The following FDFT1 variants were observed in gnomAD, a reference collection of about 807,000 sequenced individuals.
FDFT1 encodes farnesyl-diphosphate farnesyltransferase 1, also known as squalene synthase.
FDFT1 carries 68 observed loss-of-function variants against 46.8 expected under a neutral mutation model. That is an observed-to-expected ratio of 1.45 (90% CI 1.19 to 1.78). The LOEUF is 1.78. Ranked by LOEUF, FDFT1 falls within the 40% of genes most tolerant of loss-of-function variation. The pLI is 0.00. For missense variants in FDFT1, 928 were observed against 524.4 expected, an observed-to-expected ratio of 1.77 and a Z score of -7.52; for synonymous variants, 351 against 185.1, an observed-to-expected ratio of 1.90 and a Z score of -7.28.
In FDFT1 at chr8:11,812,365, T is replaced by A. The variant is rs548509899; in HGVS notation, c.381+2515T>A. ...TTGGGCCTGAGTGATGGCCAAGGGCTGTGTTGGGGAGTGTTGTGGATGGAT... is the reference window on the plus strand; with the variant it reads ...TTGGGCCTGAGTGATGGCCAAGGGCAGTGTTGGGGAGTGTTGTGGATGGAT... On this transcript the variant is annotated intron_variant, in intron 3 of 7. Coordinates refer to ENST00000220584, the MANE Select transcript of FDFT1 (RefSeq NM_004462.5). Among the ~76,000 whole-genome samples, 4 of 152,286 alleles carry A rather than the reference T, an allele frequency of 2.6e-5. No homozygotes were observed. In the South Asian group the frequency reaches 8.3e-4, roughly 32 times the overall value.
At chr8:11,807,447 G>A (rs1054911425) in intron 1 of FDFT1, among the ~76,000 whole-genome samples, 4 of 152,158 alleles carry the variant, frequency 2.6e-5, no homozygotes, top group African/African-American at 9.7e-5. Flanking sequence ...ATAGGCGTGC[G>A]CCACTGCACC....
chr8:11,823,234 C>T (rs886865020), intron 4 of FDFT1, among the ~76,000 whole-genome samples: 5 of 152,138 alleles, frequency 3.3e-5, no homozygotes, highest in African/African-American at 4.8e-5. Context: ...GGATTACAGG[C>T]ATGACCAGCC....
Position 11,831,485 on chromosome 8 carries a change from C to T in FDFT1, c.880-33C>T, listed in dbSNP as rs560329946. ...ATAATGATAGCTAACGACATCATTT[C>T]TTCTTTTTTCCCTCTCTTCTTGTTG... On this transcript the variant is annotated intron_variant, in intron 6 of 7. Transcript: ENST00000220584. 3.1e-5 allele frequency: 49 copies of T among 1,598,652 alleles called. No individual in the cohort carries two copies. In the Middle Eastern group the frequency reaches 5.0e-4, roughly 16 times the overall value.
At chr8:11,808,363 G>T in intron 1 of FDFT1, 2 of 1,234,788 alleles carry the variant, frequency 1.6e-6, no homozygotes, top group Non-Finnish European at 1.0e-6. Context: ...GGAGCGGGAG[G>T]CCGGGGGCGG....
intron 5 of FDFT1, among the ~76,000 whole-genome samples, chr8:11,829,120 G>C (rs1160003899): frequency 6.6e-6 from 1 of 150,740 alleles, no homozygotes; most frequent in Non-Finnish European, 1.5e-5. Context: ...CCCGTCAGCA[G>C]TGTGAGAGTC....
intron 7 of FDFT1, 39 bp from the exon 8 acceptor site, chr8:11,838,349 G>A: frequency 6.7e-7 from 1 of 1,499,832 alleles, no homozygotes; most frequent in Non-Finnish European, 9.3e-7. Context: ...AAAATGTAAA[G>A]CACATAGCAC....
chr8:11,818,839 T>A (rs1329910349), intron 3 of FDFT1, among the ~76,000 whole-genome samples: 1 of 152,246 alleles, frequency 6.6e-6, no homozygotes, highest in East Asian at 1.9e-4. Flanking sequence ...AACTGGGGCA[T>A]TTAGCCCACT....
At chr8:11,821,173 T>C (rs1354125961) in intron 3 of FDFT1, among the ~76,000 whole-genome samples, 1 of 152,266 alleles carries the variant, frequency 6.6e-6, no homozygotes, top group Non-Finnish European at 1.5e-5. Flanking sequence ...CAGCTTTATG[T>C]TGAAGCATCT....
chr8:11,813,041 A>C (rs1258265613), intron 3 of FDFT1, among the ~76,000 whole-genome samples: 1 of 101,046 alleles, frequency 9.9e-6, no homozygotes, highest in African/African-American at 5.4e-5. Flanking sequence ...CCATTGCTCC[A>C]AGGCTGCACA....
chr8:11,800,019 T>C (rs908647947), upstream of FDFT1, among the ~76,000 whole-genome samples: 1 of 133,146 alleles, frequency 7.5e-6, no homozygotes, highest in East Asian at 2.0e-4. Flanking sequence ...CCTAGCACTT[T>C]GGGAGGCCGA....
At chr8:11,832,902 C>T (rs1384243155) in intron 7 of FDFT1, among the ~76,000 whole-genome samples, 1 of 152,184 alleles carries the variant, frequency 6.6e-6, no homozygotes, top group African/African-American at 2.4e-5. Flanking sequence ...GTGCATCCGT[C>T]TAGTCCCCCT....
At chr8:11,836,075 C>T (rs1213758310) in intron 7 of FDFT1, among the ~76,000 whole-genome samples, 8 of 150,340 alleles carry the variant, frequency 5.3e-5, no homozygotes, top group Admixed American at 2.0e-4. Flanking sequence ...ATCGCATGAA[C>T]CTGGGAAGTG....
At chr8:11,832,551 CA>C (rs531759815) in intron 7 of FDFT1, among the ~76,000 whole-genome samples, 416 of 36,354 alleles carry the variant, frequency 0.011, 3 homozygotes, top group African/African-American at 0.031. Flanking sequence ...GACTTTGTCT[CA>C]AAAAAAAAAA....
chr8:11,801,140 G>C (rs886282021), upstream of FDFT1, among the ~76,000 whole-genome samples: 2 of 152,172 alleles, frequency 1.3e-5, no homozygotes, highest in Non-Finnish European at 2.9e-5. Context: ...CTGGGGGATA[G>C]TGCAGGAATA....
intron 5 of FDFT1, among the ~76,000 whole-genome samples, chr8:11,827,745 T>G (rs1318522743): frequency 6.6e-6 from 1 of 152,072 alleles, no homozygotes; most frequent in Admixed American, 6.6e-5. Context: ...AAAATTCACA[T>G]TTAAACTACT....
At chr8:11,797,671 A>G (rs1238643102), upstream of FDFT1, among the ~76,000 whole-genome samples, 3 of 151,736 alleles carry the variant, frequency 2.0e-5, no homozygotes, top group African/African-American at 7.3e-5. Flanking sequence ...GAAACAAACA[A>G]AAAAAACGGT....
At chr8:11,836,152 T>A (rs1195689755) in intron 7 of FDFT1, among the ~76,000 whole-genome samples, 1 of 143,598 alleles carries the variant, frequency 7.0e-6, no homozygotes, top group Non-Finnish European at 1.5e-5. Context: ...GACACCATCT[T>A]AAAAAAAAAA....
chr8:11,825,850 G>A, intron 4 of FDFT1, 174 bp from the exon 5 acceptor site: 1 of 413,640 alleles, frequency 2.4e-6, no homozygotes, highest in Non-Finnish European at 4.3e-6. Context: ...AATGTTTTGA[G>A]CACATCCTTC....
chr8:11,833,283 G>C (rs1315171633), intron 7 of FDFT1, among the ~76,000 whole-genome samples: 1 of 152,194 alleles, frequency 6.6e-6, no homozygotes, highest in Non-Finnish European at 1.5e-5. Flanking sequence ...GGAAACTTGA[G>C]GCCCCAGCCT....
Sources: gnomAD v4.1 joint callset for allele counts (sites outside exome capture counted in the v4.1 genomes callset) on GRCh38, gnomAD v4.1.1 for gene constraint, MANE v1.5 for transcripts, NCBI Gene and HGNC (gene_info 2026-07-23, HGNC 2026-07-21) for gene names.